FRMD4A: variants seen among roughly 807,000 people sequenced by gnomAD.
The protein encoded by FRMD4A is FERM domain containing 4A.
A neutral mutation model predicts 129.1 loss-of-function variants in FRMD4A; 29 were observed. The observed-to-expected ratio is 0.22, with a 90% CI of 0.17 to 0.31. The LOEUF (loss-of-function observed/expected upper bound fraction) is 0.31. Ranked by LOEUF, FRMD4A falls within the 10% of genes least tolerant of loss-of-function variation. The probability of loss-of-function intolerance (pLI) is 1.00; values close to 1 mark genes in which losing one functional copy is unlikely to be tolerated. For synonymous variants in FRMD4A, 634 were observed against 571.6 expected (o/e 1.11, Z -1.56); for missense variants, 1,272 against 1,375.8 (o/e 0.92, Z 1.19).
intron 2 of FRMD4A, among the ~76,000 whole-genome samples, chr10:14,201,114 G>A (rs1334620133): frequency 7.9e-5 from 12 of 152,160 alleles, no homozygotes; most frequent in Admixed American, 5.2e-4. Flanking sequence ...CTCCTCTCAG[G>A]TCAGAGATAC....
chr10:13,957,631 C>T (rs2095417758), intron 2 of FRMD4A, among the ~76,000 whole-genome samples: 2 of 152,170 alleles, frequency 1.3e-5, no homozygotes, highest in African/African-American at 2.4e-5. Context: ...AATCCTCCTT[C>T]GCTAGAGAAA....
At chr10:14,294,513 T>C (rs1845947530) in intron 2 of FRMD4A, among the ~76,000 whole-genome samples, 2 of 152,214 alleles carry the variant, frequency 1.3e-5, no homozygotes, top group South Asian at 4.1e-4. Context: ...GGCGTTATTA[T>C]TATGCTCTCT....
chr10:13,781,864 T>C (rs2092745074), intron 6 of FRMD4A, among the ~76,000 whole-genome samples: 1 of 152,166 alleles, frequency 6.6e-6, no homozygotes, highest in Non-Finnish European at 1.5e-5. Context: ...AGTTTCAGTT[T>C]AGCAGATGAA....
chr10:14,054,822 A>G (rs1030349011), intron 2 of FRMD4A, among the ~76,000 whole-genome samples: 2 of 152,166 alleles, frequency 1.3e-5, no homozygotes, highest in African/African-American at 4.8e-5. Flanking sequence ...TTGTGATAGT[A>G]AGTCTCATGA....
chr10:13,879,745 T>C (rs1589137582), intron 2 of FRMD4A, among the ~76,000 whole-genome samples: 7 of 112,032 alleles, frequency 6.2e-5, no homozygotes, highest in East Asian at 3.2e-4. Flanking sequence ...TCCTCTCCCT[T>C]CTCCCCCCTC....
chr10:13,778,804 G>C (rs17153983), intron 6 of FRMD4A, among the ~76,000 whole-genome samples: 2,681 of 152,180 alleles, frequency 0.018, 104 homozygotes, highest in South Asian at 0.12. Flanking sequence ...CCATTCATTA[G>C]GCATGTGATC....
intron 4 of FRMD4A, among the ~76,000 whole-genome samples, chr10:13,800,588 A>T (rs1484662546): frequency 1.3e-5 from 2 of 152,236 alleles, no homozygotes; most frequent in African/African-American, 4.8e-5. Context: ...TCAATGGTCC[A>T]GGCTTGAGAT....
At chr10:14,163,864 T>C (rs1841032630) in intron 2 of FRMD4A, among the ~76,000 whole-genome samples, 1 of 152,220 alleles carries the variant, frequency 6.6e-6, no homozygotes. Context: ...TACACTCATA[T>C]TCCAGCGTGA....
Position 13,809,983 on chromosome 10 carries a change from C to T in FRMD4A, c.206+831G>A, listed in dbSNP as rs958072605. Among the ~76,000 whole-genome samples the T allele has an allele frequency of 2.6e-5, 4 of 152,280 alleles. No homozygotes were observed. The South Asian group carries it at 6.2e-4, about 24-fold the overall frequency. On this transcript the variant is annotated intron_variant, in intron 4 of 24. Transcript: ENST00000357447. ...TGGCACCACCTGATTCCCAGGGCCTCGGCTCCCCTGTACTGTCTTGCCTGG... is the reference window on the plus strand; with the variant it reads ...TGGCACCACCTGATTCCCAGGGCCTTGGCTCCCCTGTACTGTCTTGCCTGG...
At chr10:13,770,403 T>G (rs1489721365) in intron 6 of FRMD4A, among the ~76,000 whole-genome samples, 1 of 152,230 alleles carries the variant, frequency 6.6e-6, no homozygotes, top group Non-Finnish European at 1.5e-5. Flanking sequence ...TCTCAAGGAA[T>G]CGTTCTTTTA....
intron 2 of FRMD4A, among the ~76,000 whole-genome samples, chr10:14,314,228 C>A (rs915183070): frequency 1.3e-5 from 2 of 151,988 alleles, no homozygotes; most frequent in African/African-American, 4.8e-5. Context: ...ACTTTTGCCA[C>A]CTCGCATGCA....
At chr10:13,672,742 A>G (rs546440359) in intron 16 of FRMD4A, among the ~76,000 whole-genome samples, 73 of 152,134 alleles carry the variant, frequency 4.8e-4, no homozygotes, top group Non-Finnish European at 7.6e-4. Context: ...CCCCCTCCCC[A>G]GGGGTCAAGC....
chr10:13,736,056 G>A (rs1481115263), intron 12 of FRMD4A, among the ~76,000 whole-genome samples: 2 of 152,202 alleles, frequency 1.3e-5, no homozygotes, highest in Non-Finnish European at 2.9e-5. Context: ...AAAGGCTGAG[G>A]CATGAGAATC....
chr10:13,724,749 C>T (rs2089758682), intron 12 of FRMD4A, among the ~76,000 whole-genome samples: 1 of 152,212 alleles, frequency 6.6e-6, no homozygotes, highest in South Asian at 2.1e-4. Context: ...TGTTTGACCC[C>T]TACTGTCCAC....
At chr10:14,016,431 T>C (rs564836974) in intron 2 of FRMD4A, among the ~76,000 whole-genome samples, 2 of 152,248 alleles carry the variant, frequency 1.3e-5, no homozygotes, top group Non-Finnish European at 2.9e-5. Flanking sequence ...ACGGTTTTCC[T>C]GTTGTCTCAT....
chr10:14,070,025 C>G (rs1003729947), intron 2 of FRMD4A, among the ~76,000 whole-genome samples: 1 of 152,162 alleles, frequency 6.6e-6, no homozygotes, highest in Admixed American at 6.5e-5. Flanking sequence ...CCAGGATGTT[C>G]TTGGTGGGAC....
intron 2 of FRMD4A, among the ~76,000 whole-genome samples, chr10:14,328,512 C>A (rs2132130777): frequency 6.6e-6 from 1 of 152,104 alleles, no homozygotes; most frequent in East Asian, 1.9e-4. Context: ...GAGGCTGAGA[C>A]AAGCGGGTCT....
At chr10:13,863,321 C>T (rs984697286) in intron 2 of FRMD4A, among the ~76,000 whole-genome samples, 2 of 152,132 alleles carry the variant, frequency 1.3e-5, no homozygotes, top group Non-Finnish European at 2.9e-5. Flanking sequence ...GTGGCTCACG[C>T]CTGTAATCCT....
At chr10:14,208,714 A>G (rs12240336) in intron 2 of FRMD4A, among the ~76,000 whole-genome samples, 1,656 of 152,212 alleles carry the variant, frequency 0.011, 28 homozygotes, top group African/African-American at 0.038. Context: ...CTTTACAAGG[A>G]AGGGGAGACT....
Sources: gnomAD v4.1 joint callset for allele counts (sites outside exome capture counted in the v4.1 genomes callset) on GRCh38, gnomAD v4.1.1 for gene constraint, MANE v1.5 for transcripts, NCBI Gene and HGNC (gene_info 2026-07-23, HGNC 2026-07-21) for gene names.